Variants in TXNDC12 observed in about 807,000 individuals in gnomAD.
TXNDC12 encodes the protein thioredoxin domain-containing protein 12.
A neutral mutation model predicts 24.2 loss-of-function variants in TXNDC12; 22 were observed. The ratio of observed to expected loss-of-function variants is 0.91; its 90% CI spans 0.65 to 1.30. The LOEUF (loss-of-function observed/expected upper bound fraction) is 1.30, where lower values mean the gene tolerates loss of function less well. Among genes scored for constraint, TXNDC12 ranks in the 50% most tolerant of loss-of-function variants. TXNDC12 has a pLI of 0.00. For synonymous variants in TXNDC12, 58 were observed against 73.4 expected (o/e 0.79, Z 1.07); for missense variants, 184 against 205.8 (o/e 0.89, Z 0.65).
chr1:52,027,631 G>T (rs1321691981), intron 3 of TXNDC12, among the ~76,000 whole-genome samples: 1 of 151,748 alleles, frequency 6.6e-6, no homozygotes, highest in Non-Finnish European at 1.5e-5. Flanking sequence ...AGCATTATTT[G>T]CTTTTTATAG....
Position 52,020,523 on chromosome 1 carries a change from A to T in TXNDC12, c.*410T>A, listed in dbSNP as rs1394132892. 1 of 241,172 alleles carries T rather than the reference A, an allele frequency of 4.1e-6. No homozygotes were observed. The highest frequency in any genetic ancestry group is 8.0e-6 in the Non-Finnish European group (1 of 124,490). The allele number at this position is 241,172 out of a possible 1,614,324, so 14.9% of individuals were successfully genotyped here. On this transcript the variant is annotated 3_prime_UTR_variant, in exon 7 of 7. Transcript: ENST00000371626. ...TGTTGTTGTTTTTTAATGATAAGCT[A>T]CTTCTGCAATTTTAACGTTGTAGAA...
chr1:52,026,384 C>T (rs981697016), intron 4 of TXNDC12, among the ~76,000 whole-genome samples: 1 of 152,156 alleles, frequency 6.6e-6, no homozygotes, highest in Admixed American at 6.5e-5. Context: ...CATTCTATGA[C>T]TCAGGATTCC....
chr1:52,047,439 G>C (rs992474595), intron 1 of TXNDC12, among the ~76,000 whole-genome samples: 3 of 152,136 alleles, frequency 2.0e-5, no homozygotes, highest in African/African-American at 7.2e-5. Flanking sequence ...GAGAGAATCA[G>C]AGAAAATAAA....
intron 1 of TXNDC12, 83 bp downstream of exon 1, chr1:52,054,917 G>A: frequency 9.5e-7 from 1 of 1,054,524 alleles, no homozygotes; most frequent in East Asian, 2.4e-5. Context: ...GAATGGGAGG[G>A]GAACGGTGCT....
intron 1 of TXNDC12, among the ~76,000 whole-genome samples, chr1:52,050,360 T>C (rs1447001603): frequency 6.6e-6 from 1 of 152,208 alleles, no homozygotes; most frequent in Non-Finnish European, 1.5e-5. Flanking sequence ...GTCACCTGTA[T>C]AGCCACTTAA....
chr1:52,020,375 G>T lies in TXNDC12; in HGVS notation c.*558C>A. 3.0e-6 allele frequency: 1 copy of T among 332,372 alleles called. No individual in the cohort carries two copies. 20.6% of individuals were successfully genotyped at this position (332,372 alleles called of 1,614,324 possible). A position where few individuals can be genotyped will look rare whatever the true frequency, so the allele number is the denominator to read the frequency against. ...GCTCAAGCATGAGAAGAGGAAAGAG[G>T]CTGTAGAAATTTGGGAAGAAGCCCA... On this transcript the variant is annotated 3_prime_UTR_variant, in exon 7 of 7. Transcript: ENST00000371626.
chr1:52,044,635 A>G (rs575734016), intron 1 of TXNDC12, among the ~76,000 whole-genome samples: 1 of 152,360 alleles, frequency 6.6e-6, no homozygotes, highest in African/African-American at 2.4e-5. Context: ...GTTTAAAGAA[A>G]TAACACATGG....
rs576106398 is a variant in TXNDC12 at position 52,020,174 on chromosome 1, ATC to A, written c.*757_*758del. 23 of 192,200 alleles carry A rather than the reference ATC, an allele frequency of 1.2e-4. No individual in the cohort carries two copies. Among genetic ancestry groups the A allele is most frequent in the Admixed American group, 4.0e-4 (7 of 17,318 alleles). 11.9% of individuals were successfully genotyped at this position (192,200 alleles called of 1,614,324 possible). On this transcript the variant is annotated 3_prime_UTR_variant, in exon 7 of 7. Coordinates refer to ENST00000371626, the MANE Select transcript of TXNDC12 (RefSeq NM_015913.4). ...TTAAAGTTTAATGGTACAATATTTTATCTCTTTTTTTGTTAATGCCAGTACAA... is the reference window on the plus strand; with the variant it reads ...TTAAAGTTTAATGGTACAATATTTTATCTTTTTTTGTTAATGCCAGTACAA...
At position 52,020,323 on chromosome 1, in the gene TXNDC12, T is replaced by G. The variant is rs1685573828; in HGVS notation, c.*610A>C. 2.4e-6 allele frequency: 1 copy of G among 411,266 alleles called. No individual in the cohort carries two copies. The allele number at this position is 411,266 out of a possible 1,614,324, so 25.5% of individuals were successfully genotyped here. A position where few individuals can be genotyped will look rare whatever the true frequency, so the allele number is the denominator to read the frequency against. On this transcript the variant is annotated 3_prime_UTR_variant, in exon 7 of 7. Coordinates refer to ENST00000371626, the MANE Select transcript of TXNDC12 (RefSeq NM_015913.4). Reference sequence around the variant, plus strand: ...CCGAGTCCAAGCACACAGCCAGTCCTGCACACGCATGCGTGCAAACAGGGA... The same window carrying G: ...CCGAGTCCAAGCACACAGCCAGTCCGGCACACGCATGCGTGCAAACAGGGA...
chr1:52,020,604 A>G lies in TXNDC12; in HGVS notation c.*329T>C. On this transcript the variant is annotated 3_prime_UTR_variant, in exon 7 of 7. Coordinates refer to ENST00000371626, the MANE Select transcript of TXNDC12 (RefSeq NM_015913.4). ...GGTGAGTAAAGTGGGAGGAAATGGG[A>G]AAAGACTCAAATACTTAAGTGCGAG... 1 of 320,586 alleles carries G rather than the reference A, an allele frequency of 3.1e-6. No homozygotes were observed. Among genetic ancestry groups the G allele is most frequent in the South Asian group, 7.4e-5 (1 of 13,582 alleles). 19.9% of individuals were successfully genotyped at this position (320,586 alleles called of 1,614,324 possible).
chr1:52,022,431 A>G (rs906841674), intron 6 of TXNDC12, among the ~76,000 whole-genome samples: 3 of 152,080 alleles, frequency 2.0e-5, no homozygotes, highest in Non-Finnish European at 4.4e-5. Context: ...CTCCTGGAAC[A>G]TGCTTTTCCC....
intron 2 of TXNDC12, among the ~76,000 whole-genome samples, chr1:52,038,128 T>C (rs532261634): frequency 5.9e-5 from 9 of 152,162 alleles, no homozygotes; most frequent in Admixed American, 1.3e-4. Context: ...GAGTTTCCCA[T>C]GTTGCCCAGG....
At position 52,027,336 on chromosome 1, in the gene TXNDC12, T is replaced by C; in HGVS notation, c.224A>G (p.Lys75Arg). ...TGAAATTTCCGTAGATTCTGCAAATTTGGGCTTTAGAGCTGGGGGGAAAAA... is the reference window on the plus strand; with the variant it reads ...TGAAATTTCCGTAGATTCTGCAAATCTGGGCTTTAGAGCTGGGGGGAAAAA... ...WCGACKALKP[K>R]FAESTEISEL... The change falls in exon 4 of 7, where the codon AAA (lysine) becomes AGA (arginine). Residue 75 changes from lysine to arginine, a missense_variant. By Grantham distance (26) the Lys-to-Arg change is conservative. Transcript: ENST00000371626. The C allele has an allele frequency of 6.2e-7, 1 of 1,613,300 alleles. No individual in the cohort carries two copies. Among genetic ancestry groups the C allele is most frequent in the Non-Finnish European group, 8.5e-7 (1 of 1,179,446 alleles).
At chr1:52,042,869 G>A (rs1181022019) in intron 1 of TXNDC12, among the ~76,000 whole-genome samples, 1 of 152,096 alleles carries the variant, frequency 6.6e-6, no homozygotes, top group Non-Finnish European at 1.5e-5. Context: ...TGATCTGCCC[G>A]CCTCAGCCTC....
chr1:52,027,919 G>A (rs530551044), intron 3 of TXNDC12, among the ~76,000 whole-genome samples: 11 of 151,824 alleles, frequency 7.2e-5, no homozygotes, highest in South Asian at 4.2e-4. Context: ...TGCAACCTCC[G>A]CCTCTCGGGC....
intron 2 of TXNDC12, chr1:52,030,398 A>G (rs767048629): frequency 1.3e-5 from 2 of 152,198 alleles, no homozygotes; most frequent in African/African-American, 4.8e-5. Flanking sequence ...TCCAAAACCA[A>G]TGTTCTTTCT....
intron 4 of TXNDC12, among the ~76,000 whole-genome samples, chr1:52,027,055 C>G (rs1215849992): frequency 6.6e-6 from 1 of 151,722 alleles, no homozygotes; most frequent in Non-Finnish European, 1.5e-5. Flanking sequence ...AAAATTTAGT[C>G]ATCTTATTCA....
At chr1:52,045,425 G>A (rs906803020) in intron 1 of TXNDC12, among the ~76,000 whole-genome samples, 2 of 152,098 alleles carry the variant, frequency 1.3e-5, no homozygotes, top group African/African-American at 4.8e-5. Flanking sequence ...AGGTCATTGC[G>A]GTGGGCCCTT....
At chr1:52,033,716 G>A (rs1346457593) in intron 2 of TXNDC12, 5 of 1,610,338 alleles carry the variant, frequency 3.1e-6, no homozygotes, top group South Asian at 1.1e-5. Flanking sequence ...TCAGCACGCC[G>A]GCTCTTGCCG....
Sources: gnomAD v4.1 joint callset for allele counts (sites outside exome capture counted in the v4.1 genomes callset) on GRCh38, gnomAD v4.1.1 for gene constraint, MANE v1.5 for transcripts, NCBI Gene and HGNC (gene_info 2026-07-23, HGNC 2026-07-21) for gene names.